RARB: variants seen among roughly 807,000 people sequenced by gnomAD.
The protein encoded by RARB is retinoic acid receptor beta.
Under a neutral mutation model 51.9 loss-of-function variants are expected in RARB, and 17 were observed. That is an observed-to-expected ratio of 0.33 (90% CI 0.22 to 0.49). The LOEUF is 0.49. Among genes scored for constraint, RARB ranks in the 20% least tolerant of loss-of-function variants. RARB has a pLI of 0.99. For missense variants in RARB, 369 were observed against 550.8 expected, an observed-to-expected ratio of 0.67 and a Z score of 3.30; for synonymous variants, 215 against 195.4, an observed-to-expected ratio of 1.10 and a Z score of -0.84.
chr3:25,247,704 A>G (rs983985564), intron 5 of RARB, among the ~76,000 whole-genome samples: 1 of 152,244 alleles, frequency 6.6e-6, no homozygotes, highest in South Asian at 2.1e-4. Flanking sequence ...TTGGAAATGC[A>G]GAAATCACCC....
intron 2 of RARB, among the ~76,000 whole-genome samples, chr3:24,922,970 CAAAG>C (rs902390840): frequency 3.9e-5 from 6 of 152,120 alleles, no homozygotes; most frequent in East Asian, 1.9e-4. Context: ...GTTTAAATGA[CAAAG>C]AGACTATATT....
At chr3:24,835,226 T>A (rs1702329420) in intron 1 of RARB, among the ~76,000 whole-genome samples, 2 of 152,178 alleles carry the variant, frequency 1.3e-5, no homozygotes, top group Admixed American at 1.3e-4. Context: ...TTGTCTCAGT[T>A]TCACCTATGC....
At chr3:25,514,307 C>G (rs997513877) in intron 3 of RARB, among the ~76,000 whole-genome samples, 2 of 152,208 alleles carry the variant, frequency 1.3e-5, no homozygotes, top group African/African-American at 4.8e-5. Context: ...TTATTTCTTT[C>G]ATCCTTCTCC....
At chr3:25,119,334 C>G (rs1207812673) in intron 3 of RARB, among the ~76,000 whole-genome samples, 2 of 152,014 alleles carry the variant, frequency 1.3e-5, no homozygotes, top group East Asian at 1.9e-4. Context: ...AAGTTTGAAC[C>G]CTTGTTCCTC....
rs1695595841 is a variant in RARB, at chr3:24,938,719, A to G, written c.-380+79967A>G. 2.0e-5 allele frequency among the ~76,000 whole-genome samples: 3 copies of G among 152,160 alleles called. 1 individual carries two copies. Among genetic ancestry groups the G allele is most frequent in the Admixed American group, 2.0e-4 (3 of 15,272 alleles). ...AGCTGTGTACCCATTAAGTGAATCT[A>G]CATTCTCCCCGCCCTCAGTCCCTGG... is the stretch of plus-strand genomic sequence containing the variant. On this transcript the variant is annotated intron_variant, in intron 2 of 11. Transcript: ENST00000383772.
chr3:25,085,321 A>G (rs560351653), intron 3 of RARB, among the ~76,000 whole-genome samples: 1 of 152,308 alleles, frequency 6.6e-6, no homozygotes, highest in South Asian at 2.1e-4. Flanking sequence ...AGGTTAGTCA[A>G]CTTGTTTTAG....
At chr3:25,594,473 A>T in intron 6 of RARB, 47 bp from the exon 7 acceptor site, 1 of 1,522,974 alleles carries the variant, frequency 6.6e-7, no homozygotes, top group Non-Finnish European at 8.8e-7. Context: ...AGAGGGGAAA[A>T]GGGCATAAAT....
intron 3 of RARB, among the ~76,000 whole-genome samples, chr3:25,520,365 G>T (rs186191737): frequency 6.6e-6 from 1 of 152,140 alleles, no homozygotes; most frequent in Non-Finnish European, 1.5e-5. Flanking sequence ...CAACAGTTCA[G>T]TAGGGACCTT....
intron 3 of RARB, among the ~76,000 whole-genome samples, chr3:25,566,416 G>A (rs1489444952): frequency 1.3e-5 from 2 of 152,182 alleles, no homozygotes. Context: ...GTAGCCTGAG[G>A]TTACACACTG....
intron 5 of RARB, among the ~76,000 whole-genome samples, chr3:25,281,338 A>G (rs1429721518): frequency 6.6e-6 from 1 of 152,208 alleles, no homozygotes; most frequent in Non-Finnish European, 1.5e-5. Context: ...AGCCTGGCTT[A>G]TGATGGGTTA....
intron 3 of RARB, among the ~76,000 whole-genome samples, chr3:25,535,099 A>AG (rs1484298994): frequency 1.3e-5 from 2 of 152,208 alleles, no homozygotes; most frequent in East Asian, 3.8e-4. Context: ...AAAAGCAGCA[A>AG]GGACAGGGGC....
chr3:25,421,181 TTAAC>T lies in RARB; in HGVS notation c.179-40009_179-40006del, dbSNP rs1458342271. ...TAAAAATGCTTCAGTGTGGTAGTAC[TTAAC>T]TAGGTATATGCAGCAAATTCTCTTA... On this transcript the variant is annotated intron_variant, in intron 5 of 11. Coordinates refer to the RARB transcript ENST00000383772. 2.0e-5 allele frequency among the ~76,000 whole-genome samples: 3 copies of T among 151,968 alleles called. No homozygotes were observed. The East Asian group carries it at 5.8e-4, about 29-fold the overall frequency.
chr3:25,525,223 A>C (rs1457423165), intron 3 of RARB, among the ~76,000 whole-genome samples: 1 of 152,194 alleles, frequency 6.6e-6, no homozygotes, highest in Non-Finnish European at 1.5e-5. Context: ...TCAGAAAGAA[A>C]ATTCTCAGAA....
chr3:25,020,543 A>G (rs933875697), intron 2 of RARB: 2 of 152,104 alleles, frequency 1.3e-5, no homozygotes, highest in Non-Finnish European at 2.9e-5. Flanking sequence ...AAATTCGTCT[A>G]ATATATCCTT....
intron 2 of RARB, among the ~76,000 whole-genome samples, chr3:25,054,740 C>G (rs1698404284): frequency 6.6e-6 from 1 of 152,110 alleles, no homozygotes; most frequent in South Asian, 2.1e-4. Flanking sequence ...GTCTACCTAG[C>G]TGTTTTGCCA....
chr3:25,307,806 G>T (rs1203019065), intron 5 of RARB, among the ~76,000 whole-genome samples: 2 of 152,068 alleles, frequency 1.3e-5, no homozygotes, highest in African/African-American at 4.8e-5. Flanking sequence ...TATAGTAGGG[G>T]GTTGCAAACT....
intron 2 of RARB, among the ~76,000 whole-genome samples, chr3:24,958,503 G>T (rs1696072119): frequency 6.6e-6 from 1 of 151,996 alleles, no homozygotes; most frequent in South Asian, 2.1e-4. Context: ...CTGATTTTTA[G>T]AAATGCCTGC....
At chr3:25,267,576 T>C (rs192745835) in intron 5 of RARB, among the ~76,000 whole-genome samples, 13 of 152,338 alleles carry the variant, frequency 8.5e-5, no homozygotes, top group Admixed American at 2.6e-4. Flanking sequence ...ACTTTCTGGC[T>C]TGAGAGTGGT....
intron 5 of RARB, among the ~76,000 whole-genome samples, chr3:25,193,877 CAATA>C (rs1575209319): frequency 6.9e-6 from 1 of 144,876 alleles, no homozygotes; most frequent in African/African-American, 2.5e-5. Flanking sequence ...AAATATATAC[CAATA>C]AATATTCAAA....
Sources: allele counts gnomAD v4.1 joint callset (sites outside exome capture counted in the v4.1 genomes callset), GRCh38; gene constraint gnomAD v4.1.1; transcripts MANE v1.5; gene names NCBI Gene and HGNC (gene_info 2026-07-23, HGNC 2026-07-21).